IPP: variants seen among roughly 807,000 people sequenced by gnomAD.
IPP encodes intracisternal A particle-promoted polypeptide.
Under a neutral mutation model 64.1 loss-of-function variants are expected in IPP, and 41 were observed. The observed-to-expected ratio is 0.64, with a 90% CI of 0.50 to 0.83. The LOEUF (loss-of-function observed/expected upper bound fraction) is 0.83. Ranked by LOEUF, IPP falls within the 40% of genes least tolerant of loss-of-function variation. The pLI, the probability that IPP is intolerant of heterozygous loss-of-function variation, is 0.00. For missense variants in IPP, 649 were observed against 703.0 expected, an observed-to-expected ratio of 0.92 and a Z score of 0.87; for synonymous variants, 214 against 235.2, an observed-to-expected ratio of 0.91 and a Z score of 0.83.
rs1645418711 is a variant in IPP, at chr1:45,699,361, T to C, written c.*605A>G. The C allele has an allele frequency of 2.0e-6, 2 of 985,118 alleles. No individual in the cohort carries two copies. Among genetic ancestry groups the C allele is most frequent in the South Asian group, 4.7e-5 (1 of 21,286 alleles). 61.0% of individuals were successfully genotyped at this position (985,118 alleles called of 1,614,324 possible). ...ATGGAAAATTATGCTCTGGATATAA[T>C]TGTGAATATAGAGGTCTTTAAACTG... On this transcript the variant is annotated 3_prime_UTR_variant, in exon 9 of 9. Transcript: ENST00000396478.
chr1:45,713,848 C>T (rs1645623141), intron 8 of IPP, among the ~76,000 whole-genome samples: 1 of 152,148 alleles, frequency 6.6e-6, no homozygotes, highest in Admixed American at 6.5e-5. Flanking sequence ...CGTGGGCCAC[C>T]ACGCCTAGCA....
chr1:45,739,508 G>A lies in IPP; in HGVS notation c.724+1393C>T, dbSNP rs373468505. 7.5e-5 allele frequency among the ~76,000 whole-genome samples: 11 copies of A among 146,490 alleles called. No individual in the cohort carries two copies. The East Asian group carries it at 2.0e-3, about 26-fold the overall frequency. ...GTGCTAAAGCGATCTGCCTGCCTTGGCCTGCTAAAGTGCCAGAATTATAGG... is the reference window on the plus strand; with the variant it reads ...GTGCTAAAGCGATCTGCCTGCCTTGACCTGCTAAAGTGCCAGAATTATAGG... On this transcript the variant is annotated intron_variant, in intron 3 of 8. Transcript: ENST00000396478.
downstream of IPP, chr1:45,694,754 AAC>A (rs1055326591): frequency 7.5e-6 from 3 of 398,606 alleles, no homozygotes; most frequent in Non-Finnish European, 1.4e-5. Context: ...CTTACCACCA[AAC>A]ACATAATAGC....
At chr1:45,726,695 C>T (rs1293843571) in intron 5 of IPP, among the ~76,000 whole-genome samples, 2 of 150,162 alleles carry the variant, frequency 1.3e-5, no homozygotes, top group Non-Finnish European at 3.0e-5. Context: ...AAAATTCTAT[C>T]ATAAATATTG....
In IPP at chr1:45,747,928, A is replaced by T. The variant is rs370459298; in HGVS notation, c.-50-1467T>A. On this transcript the variant is annotated intron_variant, in intron 1 of 8. Transcript: ENST00000396478. Reference sequence around the variant, plus strand: ...CACAGGGAAATTTAAGATGACTAAGATTTTGTAATTTAGGTATCAATGACA... The same window carrying T: ...CACAGGGAAATTTAAGATGACTAAGTTTTTGTAATTTAGGTATCAATGACA... Among the ~76,000 whole-genome samples the T allele has an allele frequency of 2.7e-5, 4 of 150,444 alleles. No individual in the cohort carries two copies. In the East Asian group the frequency reaches 7.9e-4, roughly 30 times the overall value.
In IPP at chr1:45,719,310, G is replaced by C; in HGVS notation, c.1079C>G (p.Thr360Ser). The C allele has an allele frequency of 6.2e-7, 1 of 1,600,070 alleles. No homozygotes were observed. Among genetic ancestry groups the C allele is most frequent in the Non-Finnish European group, 8.5e-7 (1 of 1,174,354 alleles). The change falls in exon 6 of 9, where the codon ACT becomes AGT. Residue 360 changes from threonine to serine, a missense_variant. By Grantham distance (58) the Thr-to-Ser change is moderately conservative. Transcript: ENST00000396478. The stretch of plus-strand genomic sequence containing the variant: ...TTTAGTAACTGGATCATAGCATTCA[G>C]TACAATCAAAAATCATTGAATCCTT... Reference protein sequence around the residue: ...GEKDSMIFDCTECYDPVTKQW... With the variant: ...GEKDSMIFDCSECYDPVTKQW...
intron 5 of IPP, among the ~76,000 whole-genome samples, chr1:45,722,346 T>C (rs1645744847): frequency 6.6e-6 from 1 of 150,646 alleles, no homozygotes; most frequent in African/African-American, 2.4e-5. Context: ...AGTTCAGGAG[T>C]TCGAGACCAG....
At chr1:45,735,129 G>C (rs1207959071) in intron 3 of IPP, among the ~76,000 whole-genome samples, 1 of 150,914 alleles carries the variant, frequency 6.6e-6, no homozygotes, top group Non-Finnish European at 1.5e-5. Flanking sequence ...TGTAACCCAG[G>C]CTCCAGTGCA....
At chr1:45,717,141 C>G in intron 6 of IPP, 124 bp from the exon 7 acceptor site, 1 of 747,152 alleles carries the variant, frequency 1.3e-6, no homozygotes, top group Non-Finnish European at 2.1e-6. Context: ...AAGAGGTTAT[C>G]TGTTCCACGA....
At chr1:45,706,274 G>C (rs1362290380) in intron 8 of IPP, among the ~76,000 whole-genome samples, 2 of 152,072 alleles carry the variant, frequency 1.3e-5, no homozygotes, top group Non-Finnish European at 2.9e-5. Flanking sequence ...TCTAAAGGAA[G>C]GGCTACTCTA....
Position 45,698,717 on chromosome 1 carries a change from C to CA in IPP, c.*1248_*1249insT. The CA allele has an allele frequency of 1.3e-6, 1 of 740,960 alleles. No homozygotes were observed. The highest frequency in any genetic ancestry group is 1.6e-6 in the Non-Finnish European group (1 of 625,176). 45.9% of individuals were successfully genotyped at this position (740,960 alleles called of 1,614,324 possible). On this transcript the variant is annotated 3_prime_UTR_variant, in exon 9 of 9. Coordinates refer to ENST00000396478, the MANE Select transcript of IPP (RefSeq NM_005897.3). ...AGCAAAAAAGGAAGAATTTTTTTTT[C>CA]TTTTTTTTTTTTTTTTTTTGAGACA...
intron 8 of IPP, among the ~76,000 whole-genome samples, chr1:45,707,747 T>C (rs1356927651): frequency 6.6e-6 from 1 of 151,854 alleles, no homozygotes; most frequent in East Asian, 1.9e-4. Flanking sequence ...TGGTCTTACA[T>C]ATATATATAT....
At chr1:45,694,537 A>G (rs573426541), downstream of IPP, 14 of 1,388,482 alleles carry the variant, frequency 1.0e-5, no homozygotes, top group African/African-American at 5.7e-5. Flanking sequence ...AGGTAGTTCC[A>G]TTGAGTTTTC....
In IPP at chr1:45,725,470, T is replaced by A. The variant is rs796952617; in HGVS notation, c.1048+2161A>T. Among the ~76,000 whole-genome samples the A allele has an allele frequency of 6.7e-4, 66 of 98,360 alleles. 1 individual carries two copies. The East Asian group carries it at 0.017, about 25-fold the overall frequency. The allele number at this position is 98,360 out of a possible 152,430, so 64.5% of individuals were successfully genotyped here. ...GCCCCATCCGGGAGGGAGGTGGGGG[T>A]GTCAGCCCCCCGCCCGGCCAGCCGC... On this transcript the variant is annotated intron_variant, in intron 5 of 8. Coordinates refer to ENST00000396478, the MANE Select transcript of IPP (RefSeq NM_005897.3).
chr1:45,737,846 C>T (rs1646000798), intron 3 of IPP, among the ~76,000 whole-genome samples: 1 of 152,118 alleles, frequency 6.6e-6, no homozygotes, highest in African/African-American at 2.4e-5. Context: ...CACCTCATTT[C>T]ATCTTATCAC....
intron 8 of IPP, among the ~76,000 whole-genome samples, chr1:45,712,178 C>A (rs1284374602): frequency 6.6e-6 from 1 of 151,618 alleles, no homozygotes; most frequent in African/African-American, 2.4e-5. Context: ...ATCAACCAGG[C>A]ATGGTGGCGC....
rs78627575 is a variant in IPP at position 45,698,717 on chromosome 1, C to CTTTT, written c.*1245_*1248dup. The CTTTT allele has an allele frequency of 8.2e-5, 61 of 744,396 alleles. No homozygotes were observed. Among genetic ancestry groups the CTTTT allele is most frequent in the East Asian group, 1.4e-4 (1 of 6,954 alleles). The allele number at this position is 744,396 out of a possible 1,614,324, so 46.1% of individuals were successfully genotyped here. A position where few individuals can be genotyped will look rare whatever the true frequency, so the allele number is the denominator to read the frequency against. ...AGCAAAAAAGGAAGAATTTTTTTTTCTTTTTTTTTTTTTTTTTTTGAGACA... is the reference window on the plus strand; with the variant it reads ...AGCAAAAAAGGAAGAATTTTTTTTTCTTTTTTTTTTTTTTTTTTTTTTTGAGACA... On this transcript the variant is annotated 3_prime_UTR_variant, in exon 9 of 9. Coordinates refer to ENST00000396478, the MANE Select transcript of IPP (RefSeq NM_005897.3).
At position 45,699,679 on chromosome 1, in the gene IPP, A is replaced by T; in HGVS notation, c.*287T>A. The T allele has an allele frequency of 9.1e-7, 1 of 1,102,256 alleles. No individual in the cohort carries two copies. The highest frequency in any genetic ancestry group is 1.1e-6 in the Non-Finnish European group (1 of 890,694). The allele number at this position is 1,102,256 out of a possible 1,614,324, so 68.3% of individuals were successfully genotyped here. A position where few individuals can be genotyped will look rare whatever the true frequency, so the allele number is the denominator to read the frequency against. Reference sequence around the variant, plus strand: ...ATTCTTGAGTTTATTTTTTTTCTTTAAGAGACAGGATCTCATTCTGTTGCC... The same window carrying T: ...ATTCTTGAGTTTATTTTTTTTCTTTTAGAGACAGGATCTCATTCTGTTGCC... On this transcript the variant is annotated 3_prime_UTR_variant, in exon 9 of 9. Transcript: ENST00000396478.
At chr1:45,726,181 G>A (rs1285903412) in intron 5 of IPP, among the ~76,000 whole-genome samples, 5 of 144,120 alleles carry the variant, frequency 3.5e-5, no homozygotes, top group South Asian at 2.2e-4. Flanking sequence ...AAAAATGGCC[G>A]GGCATGGTGG....
Sources: allele counts gnomAD v4.1 joint callset (sites outside exome capture counted in the v4.1 genomes callset), GRCh38; gene constraint gnomAD v4.1.1; transcripts MANE v1.5; gene names NCBI Gene and HGNC (gene_info 2026-07-23, HGNC 2026-07-21).